The following KIF21A variants were observed in gnomAD, a reference collection of about 807,000 sequenced individuals.
The protein encoded by KIF21A is kinesin family member 21A.
In KIF21A, 114 loss-of-function variants were observed where a neutral mutation model predicts 202.9. The observed-to-expected ratio is 0.56, with a 90% confidence interval of 0.48 to 0.66. The LOEUF (loss-of-function observed/expected upper bound fraction) is 0.66, where lower values mean the gene tolerates loss of function less well. Ranked by LOEUF, KIF21A falls within the 30% of genes least tolerant of loss-of-function variation. KIF21A has a pLI of 0.00. For synonymous variants in KIF21A, 667 were observed against 670.8 expected, an observed-to-expected ratio of 0.99 and a Z score of 0.09; for missense variants, 1,677 against 1,994.9, an observed-to-expected ratio of 0.84 and a Z score of 3.04.
At chr12:39,338,427 T>A (rs1240745410) in intron 16 of KIF21A, among the ~76,000 whole-genome samples, 4 of 152,198 alleles carry the variant, frequency 2.6e-5, no homozygotes, top group Non-Finnish European at 5.9e-5. Context: ...AAGCCAAGGT[T>A]AATTTATCAC....
rs1424166622 is a variant in KIF21A, at chr12:39,436,450, T to TATATATATATATATA, written c.44+6476_44+6477insTATATATATATATAT. Among the ~76,000 whole-genome samples, 508 of 60,460 alleles carry TATATATATATATATA rather than the reference T, an allele frequency of 8.4e-3. 12 individuals are homozygous for TATATATATATATATA. The highest frequency in any genetic ancestry group is 0.036 in the East Asian group (66 of 1,822). The allele number at this position is 60,460 out of a possible 152,430, so 39.7% of individuals were successfully genotyped here. On this transcript the variant is annotated intron_variant, in intron 1 of 37. Coordinates refer to ENST00000361418, the MANE Select transcript of KIF21A (RefSeq NM_001173464.2). ...TATATATATATATATATATATATATTTTTTTTTTTTTTAGACAGGGTTTCA... is the reference window on the plus strand; with the variant it reads ...TATATATATATATATATATATATATTATATATATATATATATTTTTTTTTTTTAGACAGGGTTTCA...
At chr12:39,417,860 T>C (rs1953903950) in intron 1 of KIF21A, among the ~76,000 whole-genome samples, 1 of 152,114 alleles carries the variant, frequency 6.6e-6, no homozygotes, top group Non-Finnish European at 1.5e-5. Flanking sequence ...ATTTTACTAG[T>C]GGGAATCCAA....
intron 29 of KIF21A, 73 bp from the exon 30 acceptor site, chr12:39,316,043 C>T: frequency 1.0e-6 from 1 of 960,608 alleles, no homozygotes; most frequent in Non-Finnish European, 1.7e-6. Context: ...ACTTTGGACT[C>T]AAAATCAACA....
chr12:39,379,645 G>A (rs1271339511), intron 1 of KIF21A, among the ~76,000 whole-genome samples: 1 of 152,180 alleles, frequency 6.6e-6, no homozygotes, highest in Non-Finnish European at 1.5e-5. Flanking sequence ...GGTATCAGTA[G>A]GACATTAAGG....
At chr12:39,395,626 G>A (rs192710901) in intron 1 of KIF21A, among the ~76,000 whole-genome samples, 9,732 of 152,044 alleles carry the variant, frequency 0.064, 1,038 homozygotes, top group African/African-American at 0.22. Context: ...CGGGTCTCCT[G>A]AGGTCAGGAG....
At chr12:39,335,228 A>G (rs913296942) in intron 17 of KIF21A, among the ~76,000 whole-genome samples, 2 of 152,012 alleles carry the variant, frequency 1.3e-5, no homozygotes, top group Non-Finnish European at 2.9e-5. Flanking sequence ...CCTGGCCAAC[A>G]TGGTGAAAAC....
At chr12:39,316,001 A>T in intron 29 of KIF21A, 31 bp from the exon 30 acceptor site, 1 of 1,488,966 alleles carries the variant, frequency 6.7e-7, no homozygotes, top group South Asian at 1.1e-5. Context: ...TTATGAGAGA[A>T]AGAATACAGA....
At chr12:39,316,527 C>T (rs2137533893) in intron 29 of KIF21A, among the ~76,000 whole-genome samples, 1 of 152,254 alleles carries the variant, frequency 6.6e-6, no homozygotes, top group South Asian at 2.1e-4. Context: ...TGAGTAACAG[C>T]TGGGGTACTT....
intron 1 of KIF21A, among the ~76,000 whole-genome samples, chr12:39,438,200 T>C (rs1343781368): frequency 6.6e-6 from 1 of 152,182 alleles, no homozygotes; most frequent in Non-Finnish European, 1.5e-5. Context: ...TTCATTTGTA[T>C]TATAACCAGA....
At chr12:39,441,660 T>TAGAAAA (rs1939602538) in intron 1 of KIF21A, among the ~76,000 whole-genome samples, 1 of 37,788 alleles carries the variant, frequency 2.6e-5, no homozygotes, top group Non-Finnish European at 5.6e-5. Context: ...CCCTGGGTGG[T>TAGAAAA]AAAAAAAAAA....
At chr12:39,390,352 A>C (rs1951256889) in intron 1 of KIF21A, among the ~76,000 whole-genome samples, 2 of 152,238 alleles carry the variant, frequency 1.3e-5, no homozygotes, top group Admixed American at 1.3e-4. Context: ...ATTCTGGTTT[A>C]AAAAGACAAT....
intron 7 of KIF21A, 111 bp from the exon 8 acceptor site, chr12:39,358,484 A>T: frequency 1.0e-6 from 1 of 962,864 alleles, no homozygotes; most frequent in South Asian, 1.4e-5. Flanking sequence ...AAGATACCAA[A>T]ATATTGAGCA....
intron 34 of KIF21A, among the ~76,000 whole-genome samples, chr12:39,306,313 T>C (rs1427717443): frequency 1.3e-5 from 2 of 152,354 alleles, no homozygotes; most frequent in East Asian, 3.9e-4. Context: ...TTCTGCCTTG[T>C]GTCATGATTT....
chr12:39,332,473 A>ACGCC, intron 20 of KIF21A, 65 bp from the exon 21 acceptor site: 1 of 787,554 alleles, frequency 1.3e-6, no homozygotes, highest in Non-Finnish European at 2.0e-6. Context: ...GTACCATCAA[A>ACGCC]CCCCCCCACC....
At chr12:39,327,643 T>C (rs904726886) in intron 24 of KIF21A, among the ~76,000 whole-genome samples, 1 of 152,208 alleles carries the variant, frequency 6.6e-6, no homozygotes, top group Non-Finnish European at 1.5e-5. Flanking sequence ...CTGTATGCCT[T>C]AGTTAGAGAT....
At chr12:39,343,191 G>T (rs1415013354) in intron 12 of KIF21A, among the ~76,000 whole-genome samples, 2 of 151,906 alleles carry the variant, frequency 1.3e-5, no homozygotes, top group Non-Finnish European at 2.9e-5. Flanking sequence ...GTGAAACCCC[G>T]TCTCTACTAA....
intron 1 of KIF21A, among the ~76,000 whole-genome samples, chr12:39,439,304 T>G (rs1206994514): frequency 1.4e-4 from 22 of 152,222 alleles, no homozygotes; most frequent in Admixed American, 1.4e-3. Context: ...AATGGACACA[T>G]ACAATGTGAA....
At chr12:39,359,979 C>A (rs1444236068) in intron 7 of KIF21A, among the ~76,000 whole-genome samples, 1 of 152,014 alleles carries the variant, frequency 6.6e-6, no homozygotes, top group Non-Finnish European at 1.5e-5. Context: ...TATGGTCATG[C>A]ACAATATTAA....
chr12:39,352,700 C>T (rs532910339), intron 10 of KIF21A, among the ~76,000 whole-genome samples: 24 of 152,248 alleles, frequency 1.6e-4, no homozygotes, highest in African/African-American at 5.1e-4. Context: ...AACTGGCTGA[C>T]GGACATCTGG....
Sources: allele counts gnomAD v4.1 joint callset (sites outside exome capture counted in the v4.1 genomes callset), GRCh38; gene constraint gnomAD v4.1.1; transcripts MANE v1.5; gene names NCBI Gene and HGNC (gene_info 2026-07-23, HGNC 2026-07-21).